The following TAOK3 variants were observed in gnomAD, a reference collection of about 807,000 sequenced individuals.
TAOK3 encodes the protein serine/threonine-protein kinase TAO3.
TAOK3 carries 40 observed loss-of-function variants against 120.4 expected under a neutral mutation model. The observed-to-expected ratio is 0.33, with a 90% confidence interval of 0.26 to 0.43. The LOEUF is 0.43. TAOK3 is among the 20% of genes least tolerant of loss of function. The pLI, the probability that TAOK3 is intolerant of heterozygous loss-of-function variation, is 1.00. For synonymous variants in TAOK3, 355 were observed against 387.5 expected, an observed-to-expected ratio of 0.92 and a Z score of 0.99; for missense variants, 821 against 1,112.1, an observed-to-expected ratio of 0.74 and a Z score of 3.72.
chr12:118,314,294 G>T (rs1177342503), intron 1 of TAOK3, among the ~76,000 whole-genome samples: 1 of 152,110 alleles, frequency 6.6e-6, no homozygotes, highest in Non-Finnish European at 1.5e-5. Context: ...CAAAGGGTTT[G>T]TCCCTAAAGC....
intron 19 of TAOK3, among the ~76,000 whole-genome samples, chr12:118,155,744 ATTTTT>A (rs1267538897): frequency 6.6e-6 from 1 of 151,542 alleles, no homozygotes; most frequent in Non-Finnish European, 1.5e-5. Flanking sequence ...CATCTTATTT[ATTTTT>A]TTTAAGAGTC....
chr12:118,342,721 C>T (rs1480391508), intron 1 of TAOK3, among the ~76,000 whole-genome samples: 2 of 151,984 alleles, frequency 1.3e-5, no homozygotes, highest in African/African-American at 2.4e-5. Flanking sequence ...ATTGCTTGAG[C>T]TCAGGAGTTC....
intron 1 of TAOK3, among the ~76,000 whole-genome samples, chr12:118,270,937 A>G (rs1186948123): frequency 1.3e-5 from 2 of 151,868 alleles, no homozygotes; most frequent in Non-Finnish European, 2.9e-5. Context: ...TCAGCCTCCC[A>G]AAGTGCTGGG....
At chr12:118,175,460 T>C (rs2036264111) in intron 16 of TAOK3, among the ~76,000 whole-genome samples, 1 of 152,004 alleles carries the variant, frequency 6.6e-6, no homozygotes, top group Non-Finnish European at 1.5e-5. Context: ...ACTCTGTTTC[T>C]ACTAAAAATA....
chr12:118,230,574 T>C (rs184290992), intron 9 of TAOK3, among the ~76,000 whole-genome samples: 168 of 149,268 alleles, frequency 1.1e-3, no homozygotes, highest in Non-Finnish European at 1.9e-3. Context: ...GTTCACACCG[T>C]TCTCCTGCCT....
chr12:118,174,431 T>C (rs556543521), intron 16 of TAOK3, among the ~76,000 whole-genome samples: 1 of 151,996 alleles, frequency 6.6e-6, no homozygotes, highest in South Asian at 2.1e-4. Context: ...CCTGTGGGCT[T>C]TGGCACTCAA....
intron 1 of TAOK3, among the ~76,000 whole-genome samples, chr12:118,360,798 GTAGTTAGTGTAGTTAC>G (rs1382648340): frequency 6.6e-6 from 1 of 152,172 alleles, no homozygotes; most frequent in African/African-American, 2.4e-5. Flanking sequence ...AAACTCATTT[GTAGTTAGTGTAGTTAC>G]TAAGAAGCAT....
rs141452551 is a variant in TAOK3 at position 118,156,959 on chromosome 12, C to T, written c.2352+3187G>A. ...TTTACCACACTGGCCAGGCTGGTCT[C>T]GAACTCCTGACCTCAGGTGATCTGC... is the stretch of plus-strand genomic sequence containing the variant. On this transcript the variant is annotated intron_variant, in intron 19 of 20. Coordinates refer to ENST00000392533, the MANE Select transcript of TAOK3 (RefSeq NM_016281.4). 2.3e-3 allele frequency among the ~76,000 whole-genome samples: 355 copies of T among 152,088 alleles called. 2 individuals carry two copies. Among genetic ancestry groups the T allele is most frequent in the South Asian group, 4.8e-3 (23 of 4,814 alleles).
intron 1 of TAOK3, among the ~76,000 whole-genome samples, chr12:118,272,438 T>C (rs1049051612): frequency 3.3e-5 from 5 of 152,186 alleles, no homozygotes; most frequent in Non-Finnish European, 1.5e-5. Flanking sequence ...CAATGTTTTT[T>C]TCAACAATAA....
intron 17 of TAOK3, among the ~76,000 whole-genome samples, chr12:118,164,009 A>G (rs1257235152): frequency 6.6e-6 from 1 of 151,522 alleles, no homozygotes; most frequent in African/African-American, 2.4e-5. Context: ...ACCGTGCCCG[A>G]CCTAGCAGTA....
At position 118,328,675 on chromosome 12, in the gene TAOK3, T is replaced by A. The variant is rs993217672; in HGVS notation, c.-194+43973A>T. ...TATGCTAATTATTTCCTCTGGGATA[T>A]GAGTTACAATTTTTCTTCAAGTGGA... is the stretch of plus-strand genomic sequence containing the variant. On this transcript the variant is annotated intron_variant, in intron 1 of 20. Transcript: ENST00000392533. Among the ~76,000 whole-genome samples the A allele has an allele frequency of 2.0e-5, 3 of 152,302 alleles. No individual in the cohort carries two copies. In the East Asian group the frequency reaches 5.8e-4, roughly 29 times the overall value.
chr12:118,347,167 C>A (rs2044897410), intron 1 of TAOK3, among the ~76,000 whole-genome samples: 3 of 152,084 alleles, frequency 2.0e-5, no homozygotes, highest in Admixed American at 1.3e-4. Context: ...CCACACCCAG[C>A]TAATTTTTTT....
At chr12:118,335,906 C>G (rs1158066596) in intron 1 of TAOK3, among the ~76,000 whole-genome samples, 4 of 152,068 alleles carry the variant, frequency 2.6e-5, no homozygotes, top group Non-Finnish European at 1.5e-5. Context: ...AAAAACATGT[C>G]TATAAATATT....
At chr12:118,299,540 C>T (rs2042800651) in intron 1 of TAOK3, among the ~76,000 whole-genome samples, 1 of 152,144 alleles carries the variant, frequency 6.6e-6, no homozygotes, top group South Asian at 2.1e-4. Context: ...GACAGAGTCT[C>T]GCTTTGTCAC....
At chr12:118,214,217 C>T (rs2038770647) in intron 9 of TAOK3, 107 bp from the exon 10 acceptor site, 2 of 792,692 alleles carry the variant, frequency 2.5e-6, no homozygotes, top group Admixed American at 3.0e-5. Flanking sequence ...TAGCTCATTA[C>T]TGTCATCATG....
intron 2 of TAOK3, among the ~76,000 whole-genome samples, chr12:118,257,678 CTAAT>C (rs1478564550): frequency 2.0e-5 from 3 of 151,996 alleles, no homozygotes; most frequent in East Asian, 3.9e-4. Flanking sequence ...AAAAAAGAAA[CTAAT>C]TAATTAAGTA....
intron 19 of TAOK3, among the ~76,000 whole-genome samples, chr12:118,159,367 G>C (rs1278014643): frequency 2.0e-5 from 3 of 149,760 alleles, no homozygotes; most frequent in African/African-American, 7.4e-5. Context: ...CTGGAGTGCA[G>C]TGATGTGATC....
intron 9 of TAOK3, among the ~76,000 whole-genome samples, chr12:118,221,223 C>CT (rs371667767): frequency 0.024 from 3,657 of 150,038 alleles, 111 homozygotes; most frequent in African/African-American, 0.072. Context: ...GTTTTCTTTT[C>CT]TTTTTTTTTT....
chr12:118,159,249 C>T lies in TAOK3; in HGVS notation c.2352+897G>A, dbSNP rs140793058. Reference sequence around the variant, plus strand: ...CTCCCTCTAGGAAGATTTCCCTAGACGAGCTTAGTTAGTCCTACTTGTTCT... The same window carrying T: ...CTCCCTCTAGGAAGATTTCCCTAGATGAGCTTAGTTAGTCCTACTTGTTCT... On this transcript the variant is annotated intron_variant, in intron 19 of 20. Coordinates refer to ENST00000392533, the MANE Select transcript of TAOK3 (RefSeq NM_016281.4). Among the ~76,000 whole-genome samples the T allele has an allele frequency of 3.6e-4, 54 of 152,086 alleles. 1 individual carries two copies. Among genetic ancestry groups the T allele is most frequent in the African/African-American group, 1.1e-3 (47 of 41,476 alleles).
Sources: gnomAD v4.1 joint callset for allele counts (sites outside exome capture counted in the v4.1 genomes callset) on GRCh38, gnomAD v4.1.1 for gene constraint, MANE v1.5 for transcripts, NCBI Gene and HGNC (gene_info 2026-07-23, HGNC 2026-07-21) for gene names.